The following TMEM132D variants were observed in gnomAD, a reference collection of about 807,000 sequenced individuals.
TMEM132D encodes transmembrane protein 132D.
TMEM132D carries 21 observed loss-of-function variants against 62.3 expected under a neutral mutation model. That is an observed-to-expected ratio of 0.34 (90% CI 0.24 to 0.49). TMEM132D has a LOEUF of 0.49. Ranked by LOEUF, TMEM132D falls within the 20% of genes least tolerant of loss-of-function variation. The pLI is 0.99. For missense variants in TMEM132D, 1,346 were observed against 1,402.8 expected (o/e 0.96, Z 0.65); for synonymous variants, 621 against 575.6 (o/e 1.08, Z -1.13).
At chr12:129,834,889 C>G (rs554966435) in intron 1 of TMEM132D, among the ~76,000 whole-genome samples, 6 of 152,100 alleles carry the variant, frequency 3.9e-5, no homozygotes, top group Non-Finnish European at 7.4e-5. Flanking sequence ...GGTATCTGAA[C>G]AAGAACTGAT....
At chr12:129,330,365 A>G (rs765845044) in intron 4 of TMEM132D, among the ~76,000 whole-genome samples, 1 of 152,226 alleles carries the variant, frequency 6.6e-6, no homozygotes, top group Non-Finnish European at 1.5e-5. Context: ...GGACAGGTTT[A>G]GGTGGGTGCT....
At chr12:129,723,657 C>T (rs1304805109) in intron 1 of TMEM132D, among the ~76,000 whole-genome samples, 2 of 152,238 alleles carry the variant, frequency 1.3e-5, no homozygotes, top group Non-Finnish European at 2.9e-5. Context: ...CCGACCCTTG[C>T]TCACAGGGCT....
intron 4 of TMEM132D, among the ~76,000 whole-genome samples, chr12:129,276,643 CCAGA>C (rs1881014823): frequency 6.6e-6 from 1 of 152,170 alleles, no homozygotes; most frequent in South Asian, 2.1e-4. Context: ...CCTCTCAGCA[CCAGA>C]CAAAGAGGAA....
At chr12:129,533,193 T>G (rs1201747756) in intron 2 of TMEM132D, among the ~76,000 whole-genome samples, 2 of 152,188 alleles carry the variant, frequency 1.3e-5, no homozygotes, top group Non-Finnish European at 2.9e-5. Flanking sequence ...ACGTTTGATG[T>G]TTTAAATAAT....
At chr12:129,180,147 C>T (rs1165258618) in intron 5 of TMEM132D, among the ~76,000 whole-genome samples, 3 of 152,122 alleles carry the variant, frequency 2.0e-5, no homozygotes. Flanking sequence ...TCTCTATGGA[C>T]CATTAACCCA....
chr12:129,539,549 A>C (rs951453754), intron 2 of TMEM132D, among the ~76,000 whole-genome samples: 6 of 146,512 alleles, frequency 4.1e-5, no homozygotes, highest in Non-Finnish European at 7.5e-5. Flanking sequence ...GGACTACAGG[A>C]GCCCGCCACT....
intron 1 of TMEM132D, among the ~76,000 whole-genome samples, chr12:129,737,341 C>T (rs1869459257): frequency 6.6e-6 from 1 of 152,172 alleles, no homozygotes; most frequent in Non-Finnish European, 1.5e-5. Context: ...TTTGGCCCTC[C>T]CAATGCTTAA....
At chr12:129,607,071 C>CT (rs34733158) in intron 2 of TMEM132D, among the ~76,000 whole-genome samples, 22,787 of 142,966 alleles carry the variant, frequency 0.16, 1,815 homozygotes, top group East Asian at 0.23. Context: ...TTCTTTCTTT[C>CT]TTTTTTTTTT....
At chr12:129,540,492 T>TA (rs922942120) in intron 2 of TMEM132D, among the ~76,000 whole-genome samples, 1 of 152,024 alleles carries the variant, frequency 6.6e-6, no homozygotes, top group African/African-American at 2.4e-5. Context: ...CAAACTTTTT[T>TA]TTTTTTTAAT....
intron 4 of TMEM132D, among the ~76,000 whole-genome samples, chr12:129,235,239 CCTT>C (rs796961465): frequency 3.9e-5 from 6 of 152,112 alleles, no homozygotes; most frequent in African/African-American, 1.4e-4. Flanking sequence ...TGCATTTTTT[CCTT>C]CTTCTAAGAG....
At chr12:129,564,256 G>A (rs1041438942) in intron 2 of TMEM132D, among the ~76,000 whole-genome samples, 1 of 152,196 alleles carries the variant, frequency 6.6e-6, no homozygotes, top group Non-Finnish European at 1.5e-5. Context: ...GACTTGTCAA[G>A]TCTATTAAAA....
intron 1 of TMEM132D, among the ~76,000 whole-genome samples, chr12:129,756,716 A>G (rs902689080): frequency 6.6e-6 from 1 of 152,220 alleles, no homozygotes; most frequent in Admixed American, 6.5e-5. Context: ...TAAAATTACA[A>G]TTTTAAAAAG....
At chr12:129,343,070 T>A (rs1197552005) in intron 3 of TMEM132D, among the ~76,000 whole-genome samples, 1 of 152,180 alleles carries the variant, frequency 6.6e-6, no homozygotes, top group East Asian at 1.9e-4. Flanking sequence ...GCCATCCCAT[T>A]ACTGGGTATA....
At chr12:129,850,495 C>T (rs1189366532) in intron 1 of TMEM132D, among the ~76,000 whole-genome samples, 3 of 152,196 alleles carry the variant, frequency 2.0e-5, no homozygotes, top group Non-Finnish European at 4.4e-5. Context: ...ATCAAGATTC[C>T]TCTAAGTACA....
chr12:129,818,896 G>A (rs778900255), intron 1 of TMEM132D, among the ~76,000 whole-genome samples: 4 of 152,010 alleles, frequency 2.6e-5, no homozygotes, highest in African/African-American at 2.4e-5. Flanking sequence ...CTAGCTGGGC[G>A]TGGTGGCCTG....
intron 1 of TMEM132D, among the ~76,000 whole-genome samples, chr12:129,869,919 T>C (rs1267746566): frequency 6.6e-6 from 1 of 152,172 alleles, no homozygotes; most frequent in African/African-American, 2.4e-5. Flanking sequence ...TTGTCACTGG[T>C]TCCCAGCAGA....
At chr12:129,326,229 C>T (rs892801642) in intron 4 of TMEM132D, among the ~76,000 whole-genome samples, 1 of 152,156 alleles carries the variant, frequency 6.6e-6, no homozygotes, top group African/African-American at 2.4e-5. Context: ...GATAACACTA[C>T]TTTTTTATTT....
At chr12:129,077,046 A>AACT (rs1179942662) in intron 8 of TMEM132D, among the ~76,000 whole-genome samples, 1 of 152,212 alleles carries the variant, frequency 6.6e-6, no homozygotes, top group East Asian at 1.9e-4. Flanking sequence ...TCTAACCCAA[A>AACT]ACTCTGCAAA....
rs10668079 is a variant in TMEM132D at position 129,230,307 on chromosome 12, AG to A, written c.1300-20645del. 1.7e-3 allele frequency among the ~76,000 whole-genome samples: 238 copies of A among 140,640 alleles called. 2 individuals carry two copies. Among genetic ancestry groups the A allele is most frequent in the African/African-American group, 4.3e-3 (164 of 37,930 alleles). 92.3% of individuals were successfully genotyped at this position (140,640 alleles called of 152,430 possible). Reference sequence around the variant, plus strand: ...CCTTCCTAAACTCCTTCTGTGTTGGAGGGGGGGGGCTCCCCAGCCTGGCCAT... The same window carrying A: ...CCTTCCTAAACTCCTTCTGTGTTGGAGGGGGGGGCTCCCCAGCCTGGCCAT... On this transcript the variant is annotated intron_variant, in intron 4 of 8. Coordinates refer to ENST00000422113, the MANE Select transcript of TMEM132D (RefSeq NM_133448.3).
Sources: allele counts gnomAD v4.1 joint callset (sites outside exome capture counted in the v4.1 genomes callset), GRCh38; gene constraint gnomAD v4.1.1; transcripts MANE v1.5; gene names NCBI Gene and HGNC (gene_info 2026-07-23, HGNC 2026-07-21).